Variants in VAV2 observed in about 807,000 individuals in gnomAD.
VAV2 encodes the protein guanine nucleotide exchange factor VAV2.
VAV2 carries 67 observed loss-of-function variants against 132.5 expected under a neutral mutation model. That is an observed-to-expected ratio of 0.51 (90% CI 0.42 to 0.62). VAV2 has a LOEUF of 0.62. Ranked by LOEUF, VAV2 falls within the 20% of genes least tolerant of loss-of-function variation. The pLI is 0.00. For synonymous variants in VAV2, 492 were observed against 443.5 expected, an observed-to-expected ratio of 1.11 and a Z score of -1.37; for missense variants, 938 against 1,153.6, an observed-to-expected ratio of 0.81 and a Z score of 2.71.
intron 3 of VAV2, among the ~76,000 whole-genome samples, chr9:133,860,196 G>A (rs1837541314): frequency 6.6e-6 from 1 of 151,910 alleles, no homozygotes; most frequent in Admixed American, 6.6e-5. Flanking sequence ...CAGCTACTCA[G>A]GAGGCTGAGG....
intron 2 of VAV2, among the ~76,000 whole-genome samples, chr9:133,869,718 G>C (rs1159382550): frequency 2.0e-5 from 3 of 152,308 alleles, no homozygotes; most frequent in African/African-American, 7.2e-5. Context: ...CCGATCAGAA[G>C]AGCTTTCTGG....
At chr9:133,825,247 A>G (rs2502749) in intron 4 of VAV2, among the ~76,000 whole-genome samples, 25,858 of 151,440 alleles carry the variant, frequency 0.17, 2,586 homozygotes, top group African/African-American at 0.26. Context: ...CACCCGCCTT[A>G]AGAAACGCCC....
chr9:133,865,180 A>G (rs1837751641), intron 2 of VAV2, among the ~76,000 whole-genome samples: 1 of 152,220 alleles, frequency 6.6e-6, no homozygotes, highest in Non-Finnish European at 1.5e-5. Flanking sequence ...TGCTCACAGT[A>G]TTTGCAACTT....
intron 2 of VAV2, among the ~76,000 whole-genome samples, chr9:133,890,519 G>A (rs749328408): frequency 4.6e-5 from 7 of 152,024 alleles, no homozygotes; most frequent in Non-Finnish European, 7.4e-5. Flanking sequence ...AAAGACGACC[G>A]CCCCCCACCA....
intron 1 of VAV2, among the ~76,000 whole-genome samples, chr9:133,951,300 G>T (rs549689701): frequency 6.6e-6 from 1 of 152,202 alleles, no homozygotes; most frequent in South Asian, 2.1e-4. Context: ...GGGCAACTAC[G>T]GGGGCTGGAG....
intron 1 of VAV2, among the ~76,000 whole-genome samples, chr9:133,988,139 A>G (rs1423408068): frequency 6.6e-6 from 1 of 152,192 alleles, no homozygotes; most frequent in Non-Finnish European, 1.5e-5. Context: ...AGACGGCCTC[A>G]TATGCCATGA....
chr9:133,815,592 T>C (rs2131714665), intron 4 of VAV2, among the ~76,000 whole-genome samples: 1 of 152,330 alleles, frequency 6.6e-6, no homozygotes, highest in African/African-American at 2.4e-5. Flanking sequence ...ACATTGGATC[T>C]TGTTTGAGAC....
chr9:133,792,284 TGAGC>T (rs1325643033), intron 12 of VAV2, among the ~76,000 whole-genome samples: 14 of 135,808 alleles, frequency 1.0e-4, no homozygotes, highest in Non-Finnish European at 1.9e-4. Flanking sequence ...GTGTGGTATG[TGAGC>T]GAGCTGTGCT....
At position 133,863,781 on chromosome 9, in the gene VAV2, G is replaced by C. The variant is rs1837691997; in HGVS notation, c.322-2349C>G. ...GGGGGAAGCTCAGAAGTCCACCACG[G>C]GGAACCACACTCCAGTGACCCAAAA... On this transcript the variant is annotated intron_variant, in intron 2 of 29. Transcript: ENST00000371850. The surrounding 1 kb of genome is among the most constrained non-coding windows in gnomAD (Gnocchi z 5.0). Among the ~76,000 whole-genome samples the C allele has an allele frequency of 6.6e-6, 1 of 152,182 alleles. No homozygotes were observed. The highest frequency in any genetic ancestry group is 6.5e-5 in the Admixed American group (1 of 15,286).
chr9:133,982,554 G>A (rs551032712), intron 1 of VAV2, among the ~76,000 whole-genome samples: 18 of 152,032 alleles, frequency 1.2e-4, no homozygotes, highest in African/African-American at 3.9e-4. Flanking sequence ...AGGACAGGGC[G>A]CAGGAGTCTC....
intron 3 of VAV2, among the ~76,000 whole-genome samples, chr9:133,854,160 T>C (rs988361169): frequency 4.1e-5 from 6 of 147,880 alleles, no homozygotes; most frequent in African/African-American, 1.5e-4. Flanking sequence ...CACACACATC[T>C]GCATATGCAC....
chr9:133,811,735 G>A (rs1466723634), intron 5 of VAV2, among the ~76,000 whole-genome samples: 2 of 152,200 alleles, frequency 1.3e-5, no homozygotes, highest in Admixed American at 6.5e-5. Context: ...TAGACCATGC[G>A]CCAAGTTACT....
chr9:133,832,513 C>T (rs1836301568), intron 4 of VAV2, among the ~76,000 whole-genome samples: 2 of 152,164 alleles, frequency 1.3e-5, no homozygotes, highest in South Asian at 4.1e-4. Context: ...GTCCCTCAGT[C>T]AGTCTCAGAA....
At chr9:133,917,871 G>C (rs897419321) in intron 2 of VAV2, among the ~76,000 whole-genome samples, 13 of 152,102 alleles carry the variant, frequency 8.5e-5, no homozygotes, top group African/African-American at 3.1e-4. Context: ...GTGGGAGAGA[G>C]AACTGACGCA....
chr9:133,791,434 A>C lies in VAV2; in HGVS notation c.1188+349T>G, dbSNP rs112264498. Among the ~76,000 whole-genome samples, 1,062 of 152,146 alleles carry C rather than the reference A, an allele frequency of 7.0e-3. 12 individuals carry two copies. Among genetic ancestry groups the C allele is most frequent in the African/African-American group, 0.023 (971 of 41,498 alleles). On this transcript the variant is annotated intron_variant, in intron 13 of 29. Transcript: ENST00000371850. ...CCAGGGGGCGTCTCCTGCCCCTGGGAGACACAGTTCTCCTCTTGGACTTGA... is the reference window on the plus strand; with the variant it reads ...CCAGGGGGCGTCTCCTGCCCCTGGGCGACACAGTTCTCCTCTTGGACTTGA...
chr9:133,990,113 A>T (rs1316892207), intron 1 of VAV2, among the ~76,000 whole-genome samples: 1 of 152,134 alleles, frequency 6.6e-6, no homozygotes. Context: ...GTCGTTGCCT[A>T]CCTGGGAGGG....
intron 1 of VAV2, among the ~76,000 whole-genome samples, chr9:133,943,252 T>C (rs546739833): frequency 6.6e-6 from 1 of 152,304 alleles, no homozygotes; most frequent in African/African-American, 2.4e-5. Context: ...GTCCAGGTTC[T>C]AGACAGAGAC....
intron 1 of VAV2, among the ~76,000 whole-genome samples, chr9:133,984,629 T>G (rs1423562958): frequency 6.6e-6 from 1 of 151,602 alleles, no homozygotes; most frequent in African/African-American, 2.4e-5. Context: ...TAATTCATAA[T>G]AAGAATATTT....
In VAV2 at chr9:133,958,077, A is replaced by C. The variant is rs1453442961; in HGVS notation, c.205-18858T>G. 3.3e-4 allele frequency among the ~76,000 whole-genome samples: 47 copies of C among 143,548 alleles called. No homozygotes were observed. The East Asian group carries it at 5.2e-3, about 16-fold the overall frequency. 94.2% of individuals were successfully genotyped at this position (143,548 alleles called of 152,430 possible). A position where few individuals can be genotyped will look rare whatever the true frequency, so the allele number is the denominator to read the frequency against. The stretch of plus-strand genomic sequence containing the variant: ...GGACACAAACACTGCGGAAGGCCGC[A>C]GGGACCTCTGCCTAGGAAAGCCAGG... On this transcript the variant is annotated intron_variant, in intron 1 of 29. Transcript: ENST00000371850.
Sources: gnomAD v4.1 joint callset for allele counts (sites outside exome capture counted in the v4.1 genomes callset) on GRCh38, gnomAD v4.1.1 for gene constraint, Gnocchi (gnomAD v3.1) non-coding constraint, MANE v1.5 for transcripts, NCBI Gene and HGNC (gene_info 2026-07-23, HGNC 2026-07-21) for gene names.